Variants in EFHC1 observed in about 807,000 individuals in gnomAD.
EFHC1 encodes EF-hand domain-containing protein 1.
In EFHC1, 53 loss-of-function variants were observed where a neutral mutation model predicts 69.9. That is an observed-to-expected ratio of 0.76 (90% CI 0.61 to 0.95). EFHC1 has a LOEUF of 0.95. EFHC1 is among the 40% of genes least tolerant of loss of function. The pLI, the probability that EFHC1 is intolerant of heterozygous loss-of-function variation, is 0.00. For synonymous variants in EFHC1, 256 were observed against 278.4 expected, an observed-to-expected ratio of 0.92 and a Z score of 0.80; for missense variants, 739 against 798.7, an observed-to-expected ratio of 0.93 and a Z score of 0.90.
rs1252426853 is a variant in EFHC1, at chr6:52,479,641, G to A, written c.1494G>A (p.Val498=). The stretch of plus-strand genomic sequence containing the variant: ...AGTGTGTTGCTACCTTCTCTCCAGT[G>A]TTTGGTCACCGGTTCATCATCCTTG... The part of the protein sequence containing the change: ...SDFFIGAVIE[V]FGHRFIILDT... The change falls in exon 9 of 11, where the codon GTG becomes GTA. Residue 498 remains valine (V), a splice_region_variant and synonymous_variant. Transcript: ENST00000371068. The A allele has an allele frequency of 1.9e-6, 3 of 1,614,074 alleles. No individual in the cohort carries two copies. The highest frequency in any genetic ancestry group is 4.5e-5 in the East Asian group (2 of 44,896).
intron 7 of EFHC1, among the ~76,000 whole-genome samples, chr6:52,473,075 G>A (rs1765472733): frequency 6.6e-6 from 1 of 152,134 alleles, no homozygotes; most frequent in African/African-American, 2.4e-5. Flanking sequence ...CAAAGCACCA[G>A]GAATAGCCAA....
intron 4 of EFHC1, 152 bp from the exon 5 acceptor site, chr6:52,453,943 G>T: frequency 1.3e-6 from 2 of 1,513,266 alleles, no homozygotes; most frequent in African/African-American, 2.8e-5. Context: ...TATGTTTGAT[G>T]AATATTTCTT....
intron 1 of EFHC1, among the ~76,000 whole-genome samples, chr6:52,422,588 GT>G (rs1764215533): frequency 6.6e-6 from 1 of 151,952 alleles, no homozygotes; most frequent in Non-Finnish European, 1.5e-5. Flanking sequence ...GATGTAGAAA[GT>G]TTTTTTCATA....
At chr6:52,491,428 T>C (rs1407060738) in intron 10 of EFHC1, among the ~76,000 whole-genome samples, 1 of 152,218 alleles carries the variant, frequency 6.6e-6, no homozygotes, top group African/African-American at 2.4e-5. Context: ...AGCAGTGGCA[T>C]AACCAGACCC....
intron 2 of EFHC1, among the ~76,000 whole-genome samples, chr6:52,434,884 C>CATAT (rs59802769): frequency 0.088 from 13,151 of 148,636 alleles, 949 homozygotes; most frequent in Admixed American, 0.24. Context: ...TACCTGAGAC[C>CATAT]ATATATATAT....
chr6:52,453,099 A>G (rs1764955872), intron 4 of EFHC1: 2 of 1,452,084 alleles, frequency 1.4e-6, no homozygotes, highest in Admixed American at 4.1e-5. Flanking sequence ...ATCTCAAAGC[A>G]ATTCCTGAGC....
At chr6:52,427,658 TTA>T (rs573546295) in intron 2 of EFHC1, among the ~76,000 whole-genome samples, 1 of 152,186 alleles carries the variant, frequency 6.6e-6, no homozygotes, top group South Asian at 2.1e-4. Flanking sequence ...AGGTAAGGAC[TTA>T]TATAGTTTAT....
chr6:52,490,041 G>T, intron 9 of EFHC1, 99 bp from the exon 10 acceptor site: 1 of 1,122,090 alleles, frequency 8.9e-7, no homozygotes, highest in Non-Finnish European at 1.3e-6. Context: ...GCTGTGATTA[G>T]AAGCTTCCCT....
Position 52,438,422 on chromosome 6 carries a change from A to G in EFHC1, c.404A>G (p.Glu135Gly). 2 of 1,614,102 alleles carry G rather than the reference A, an allele frequency of 1.2e-6. No individual in the cohort carries two copies. The highest frequency in any genetic ancestry group is 1.7e-6 in the Non-Finnish European group (2 of 1,179,992). Reference protein sequence around the residue: ...YLEDDSMSVIEPVVENSGILQ... With the variant: ...YLEDDSMSVIGPVVENSGILQ... ...GAAGATGACAGCATGTCTGTCATAGAGCCTGTTGTAGAAAATTCTGGAATC... is the reference window on the plus strand; with the variant it reads ...GAAGATGACAGCATGTCTGTCATAGGGCCTGTTGTAGAAAATTCTGGAATC... Residue 135 changes from glutamate (E) to glycine (G), a missense_variant, in exon 3 of 11, where the codon GAG becomes GGG. Coordinates refer to ENST00000371068, the MANE Select transcript of EFHC1 (RefSeq NM_018100.4).
chr6:52,495,751 C>A lies in EFHC1; in HGVS notation c.*3410C>A, dbSNP rs1212846161. The A allele has an allele frequency of 2.7e-6, 1 of 372,216 alleles. No homozygotes were observed. The highest frequency in any genetic ancestry group is 5.3e-6 in the Non-Finnish European group (1 of 190,452). The allele number at this position is 372,216 out of a possible 1,614,324, so 23.1% of individuals were successfully genotyped here. A position where few individuals can be genotyped will look rare whatever the true frequency, so the allele number is the denominator to read the frequency against. On this transcript the variant is annotated 3_prime_UTR_variant, in exon 11 of 11. Coordinates refer to ENST00000371068, the MANE Select transcript of EFHC1 (RefSeq NM_018100.4). Reference sequence around the variant, plus strand: ...CTGTAGTCTCAGAGGGAACTGTCTTCAATAAAGTTGGCACTGTCCACATAC... The same window carrying A: ...CTGTAGTCTCAGAGGGAACTGTCTTAAATAAAGTTGGCACTGTCCACATAC...
chr6:52,471,807 G>A (rs1372052414), intron 7 of EFHC1, among the ~76,000 whole-genome samples: 2 of 152,060 alleles, frequency 1.3e-5, no homozygotes, highest in East Asian at 3.8e-4. Flanking sequence ...GGTGGAAGTT[G>A]CAGTGAGCCA....
intron 9 of EFHC1, chr6:52,483,221 C>A (rs1165598106): frequency 1.1e-5 from 2 of 184,268 alleles, no homozygotes; most frequent in African/African-American, 4.7e-5. Flanking sequence ...AAATTTGAAC[C>A]ATGTTGTTGG....
rs377384863 is a variant in EFHC1 at position 52,478,867 on chromosome 6, G to A, written c.1279-170G>A. Among the ~76,000 whole-genome samples the A allele has an allele frequency of 4.6e-5, 7 of 152,256 alleles. 1 individual carries two copies. The highest frequency in any genetic ancestry group is 1.7e-4 in the African/African-American group (7 of 41,546). On this transcript the variant is annotated intron_variant, in intron 7 of 10. Transcript: ENST00000371068. The stretch of plus-strand genomic sequence containing the variant: ...CCCTTGGGAAGCTTCCCTTAGATGA[G>A]GCATGTTCTTCCCAGAGACACCAGA...
chr6:52,433,973 T>C (rs1232585485), intron 2 of EFHC1, among the ~76,000 whole-genome samples: 3 of 152,062 alleles, frequency 2.0e-5, no homozygotes, highest in Non-Finnish European at 4.4e-5. Flanking sequence ...CCAGCAGTCA[T>C]AGACCTCACC....
chr6:52,438,287 T>C lies in EFHC1; in HGVS notation c.286-17T>C, dbSNP rs532973661. 1 of 1,609,088 alleles carries C rather than the reference T, an allele frequency of 6.2e-7. No homozygotes were observed. Among genetic ancestry groups the C allele is most frequent in the East Asian group, 2.2e-5 (1 of 44,824 alleles). On this transcript the variant is annotated splice_polypyrimidine_tract_variant and intron_variant, in intron 2 of 10. Transcript: ENST00000371068. ...AAGCTAATAGTACACCATTTCTCCTTTCCTTGTATGTTATAGGTACTGAAA... is the reference window on the plus strand; with the variant it reads ...AAGCTAATAGTACACCATTTCTCCTCTCCTTGTATGTTATAGGTACTGAAA...
rs1360264334 is a variant in EFHC1, at chr6:52,493,845, A to C, written c.*1504A>C. 1 of 453,992 alleles carries C rather than the reference A, an allele frequency of 2.2e-6. No individual in the cohort carries two copies. The highest frequency in any genetic ancestry group is 2.3e-5 in the Admixed American group (1 of 42,560). The allele number at this position is 453,992 out of a possible 1,614,324, so 28.1% of individuals were successfully genotyped here. The stretch of plus-strand genomic sequence containing the variant: ...TATCTCAAATTCCCCGAAGCCACCC[A>C]AAATGTGGTATGAATGAGGATAGAG... On this transcript the variant is annotated 3_prime_UTR_variant, in exon 11 of 11. Transcript: ENST00000371068.
At chr6:52,480,128 T>A (rs761045650) in intron 9 of EFHC1, 2 of 523,830 alleles carry the variant, frequency 3.8e-6, no homozygotes, top group Non-Finnish European at 6.8e-6. Flanking sequence ...ACATAAACAG[T>A]TGATTAACAC....
chr6:52,421,181 C>A, intron 1 of EFHC1: 1 of 443,730 alleles, frequency 2.3e-6, no homozygotes, highest in Non-Finnish European at 3.0e-6. Flanking sequence ...TTCTCCGTTG[C>A]GGGTTTTCCC....
chr6:52,495,031 C>T lies in EFHC1; in HGVS notation c.*2690C>T, dbSNP rs1385214348. ...GAACTCTTTCCAACCGGAAACTGCCCAGTGCACCACTCTCAGATGGACGGG... is the reference window on the plus strand; with the variant it reads ...GAACTCTTTCCAACCGGAAACTGCCTAGTGCACCACTCTCAGATGGACGGG... On this transcript the variant is annotated 3_prime_UTR_variant, in exon 11 of 11. Transcript: ENST00000371068. 1 of 454,086 alleles carries T rather than the reference C, an allele frequency of 2.2e-6. No individual in the cohort carries two copies. Among genetic ancestry groups the T allele is most frequent in the Admixed American group, 2.3e-5 (1 of 42,582 alleles). The allele number at this position is 454,086 out of a possible 1,614,324, so 28.1% of individuals were successfully genotyped here. A position where few individuals can be genotyped will look rare whatever the true frequency, so the allele number is the denominator to read the frequency against.
Sources: allele counts gnomAD v4.1 joint callset (sites outside exome capture counted in the v4.1 genomes callset), GRCh38; gene constraint gnomAD v4.1.1; transcripts MANE v1.5; gene names NCBI Gene and HGNC (gene_info 2026-07-23, HGNC 2026-07-21).